ATP9B: variants seen among roughly 807,000 people sequenced by gnomAD.
ATP9B encodes the protein probable phospholipid-transporting ATPase IIB.
ATP9B carries 110 observed loss-of-function variants against 146.1 expected under a neutral mutation model. The ratio of observed to expected loss-of-function variants is 0.75; its 90% CI spans 0.65 to 0.88. The LOEUF (loss-of-function observed/expected upper bound fraction) is 0.88. ATP9B is among the 40% of genes least tolerant of loss of function. The pLI, the probability that ATP9B is intolerant of heterozygous loss-of-function variation, is 0.00. For missense variants in ATP9B, 1,499 were observed against 1,496.4 expected (o/e 1.00, Z -0.03); for synonymous variants, 604 against 569.7 (o/e 1.06, Z -0.86).
intron 1 of ATP9B, among the ~76,000 whole-genome samples, chr18:79,084,037 T>G (rs975179127): frequency 6.6e-6 from 1 of 151,916 alleles, no homozygotes; most frequent in African/African-American, 2.4e-5. Context: ...TTTTTTTGTT[T>G]TAGTAGAGAC....
Position 79,268,942 on chromosome 18 carries a change from C to T in ATP9B, c.1269-8112C>T, listed in dbSNP as rs3892254. Among the ~76,000 whole-genome samples the T allele has an allele frequency of 2.3e-4, 35 of 152,260 alleles. No individual in the cohort carries two copies. The South Asian group carries it at 6.4e-3, about 28-fold the overall frequency. ...TCTTCTGTTACTGCTTTTAAGACTT[C>T]ACTTCTTTGGGTCCTTCCATCTCTT... On this transcript the variant is annotated intron_variant, in intron 12 of 29. Transcript: ENST00000426216.
At chr18:79,124,994 G>A (rs920463080) in intron 4 of ATP9B, among the ~76,000 whole-genome samples, 4 of 152,328 alleles carry the variant, frequency 2.6e-5, no homozygotes, top group Non-Finnish European at 5.9e-5. Flanking sequence ...AGGAAGCCAA[G>A]GGATGGGGAA....
chr18:79,128,052 C>CTTTTTTTT (rs1173565651), intron 5 of ATP9B, among the ~76,000 whole-genome samples: 14 of 71,722 alleles, frequency 2.0e-4, no homozygotes, highest in African/African-American at 4.3e-4. Context: ...CCTTTGCCGA[C>CTTTTTTTT]TTTTTTTTTT....
intron 5 of ATP9B, among the ~76,000 whole-genome samples, chr18:79,135,722 T>G (rs1321959674): frequency 6.6e-6 from 1 of 152,212 alleles, no homozygotes; most frequent in Non-Finnish European, 1.5e-5. Flanking sequence ...AACCCAGGTT[T>G]TACAAATGTT....
chr18:79,191,468 C>T (rs1358447616), intron 8 of ATP9B, among the ~76,000 whole-genome samples: 1 of 152,104 alleles, frequency 6.6e-6, no homozygotes, highest in Non-Finnish European at 1.5e-5. Context: ...GCATGTTAGA[C>T]TCCGCGATAT....
chr18:79,163,869 TACACACACACACACACACACAC>T (rs56408063), intron 7 of ATP9B, among the ~76,000 whole-genome samples: 9 of 142,680 alleles, frequency 6.3e-5, no homozygotes, highest in Admixed American at 7.1e-5. Context: ...TTTTATTTTA[TACACACACACACACACACACAC>T]ACACACACAC....
At chr18:79,233,974 G>A (rs1022912899) in intron 11 of ATP9B, among the ~76,000 whole-genome samples, 4 of 152,158 alleles carry the variant, frequency 2.6e-5, no homozygotes, top group Non-Finnish European at 5.9e-5. Flanking sequence ...CATCCTCATC[G>A]TCTTCCAATT....
At chr18:79,316,426 C>G (rs2096680471) in intron 15 of ATP9B, among the ~76,000 whole-genome samples, 2 of 152,176 alleles carry the variant, frequency 1.3e-5, no homozygotes, top group South Asian at 2.1e-4. Context: ...TCCATCCACC[C>G]CTCAGCAGCC....
At chr18:79,158,708 G>T (rs1328524691) in intron 7 of ATP9B, among the ~76,000 whole-genome samples, 1 of 152,090 alleles carries the variant, frequency 6.6e-6, no homozygotes, top group Admixed American at 6.5e-5. Flanking sequence ...TACTTTATAT[G>T]ATTTCTATCC....
chr18:79,295,070 G>A (rs1045613993), intron 13 of ATP9B, among the ~76,000 whole-genome samples: 3 of 150,428 alleles, frequency 2.0e-5, no homozygotes, highest in South Asian at 2.1e-4. Context: ...AGGTACGTGT[G>A]CGTGCATCCA....
intron 13 of ATP9B, among the ~76,000 whole-genome samples, chr18:79,287,267 A>T (rs1262766754): frequency 2.6e-5 from 4 of 152,184 alleles, no homozygotes; most frequent in Non-Finnish European, 5.9e-5. Context: ...TTTGGTTGGT[A>T]AGCTATTGAT....
intron 7 of ATP9B, among the ~76,000 whole-genome samples, chr18:79,171,439 T>C (rs1301549222): frequency 6.6e-6 from 1 of 152,236 alleles, no homozygotes. Context: ...TTTAATTTGC[T>C]ATTTAAAACT....
chr18:79,143,611 A>G lies in ATP9B; in HGVS notation c.668-191A>G, dbSNP rs146368196. 9.9e-4 allele frequency among the ~76,000 whole-genome samples: 151 copies of G among 152,324 alleles called. 1 individual carries two copies. The highest frequency in any genetic ancestry group is 3.8e-4 in the Non-Finnish European group (26 of 68,024). On this transcript the variant is annotated intron_variant, in intron 5 of 29. Transcript: ENST00000426216. ...TCCCTCTGTTTTTATTGGGAGATAAAAAATTATTTGTGTTTGGCAGTTTAC... is the reference window on the plus strand; with the variant it reads ...TCCCTCTGTTTTTATTGGGAGATAAGAAATTATTTGTGTTTGGCAGTTTAC...
At chr18:79,228,583 C>G (rs2095758249) in intron 11 of ATP9B, among the ~76,000 whole-genome samples, 1 of 152,174 alleles carries the variant, frequency 6.6e-6, no homozygotes, top group Non-Finnish European at 1.5e-5. Context: ...GTCATAGATA[C>G]ATTTGTCTTC....
At position 79,349,897 on chromosome 18, in the gene ATP9B, C is replaced by CA. The variant is rs1568787482; in HGVS notation, c.2903+1701_2903+1702insA. ...TTGCTTCCCTGGGAGGCCCCGCACC[C>CA]CCCCCCCCACCATGCACCTTCACAC... On this transcript the variant is annotated intron_variant, in intron 25 of 29. Coordinates refer to ENST00000426216, the MANE Select transcript of ATP9B (RefSeq NM_198531.5). Among the ~76,000 whole-genome samples, 8 of 147,926 alleles carry CA rather than the reference C, an allele frequency of 5.4e-5. 1 individual carries two copies. In the South Asian group the frequency reaches 1.5e-3, roughly 28 times the overall value.
intron 25 of ATP9B, among the ~76,000 whole-genome samples, chr18:79,349,969 C>T (rs1459336651): frequency 1.4e-5 from 2 of 147,796 alleles, no homozygotes; most frequent in African/African-American, 4.9e-5. Context: ...TATTCTCCTG[C>T]GTGCTCTACA....
At chr18:79,171,923 C>G (rs1450323338) in intron 7 of ATP9B, among the ~76,000 whole-genome samples, 1 of 150,968 alleles carries the variant, frequency 6.6e-6, no homozygotes, top group East Asian at 1.9e-4. Context: ...GAGTCTTGCT[C>G]TGTCACCCAG....
intron 4 of ATP9B, among the ~76,000 whole-genome samples, chr18:79,114,535 C>T (rs1363374087): frequency 6.6e-6 from 1 of 152,162 alleles, no homozygotes; most frequent in Non-Finnish European, 1.5e-5. Flanking sequence ...GAGGCACAGT[C>T]AGGCTTTCCT....
chr18:79,376,330 T>C (rs2148059923), intron 29 of ATP9B: 2 of 985,276 alleles, frequency 2.0e-6, no homozygotes, highest in Admixed American at 6.1e-5. Context: ...TCACAAATTC[T>C]GCCACAGAGT....
Sources: gnomAD v4.1 joint callset for allele counts (sites outside exome capture counted in the v4.1 genomes callset) on GRCh38, gnomAD v4.1.1 for gene constraint, MANE v1.5 for transcripts, NCBI Gene and HGNC (gene_info 2026-07-23, HGNC 2026-07-21) for gene names.